CYRIA: variants seen among roughly 807,000 people sequenced by gnomAD.
CYRIA encodes CYFIP related Rac1 interactor A, also known as CYFIP-related Rac1 interactor A.
Under a neutral mutation model 43.9 loss-of-function variants are expected in CYRIA, and 15 were observed. The observed-to-expected ratio is 0.34, with a 90% CI of 0.23 to 0.53. The LOEUF (loss-of-function observed/expected upper bound fraction) is 0.53, where lower values mean the gene tolerates loss of function less well. Ranked by LOEUF, CYRIA falls within the 20% of genes least tolerant of loss-of-function variation. The probability of loss-of-function intolerance (pLI) is 0.94; values close to 1 mark genes in which losing one functional copy is unlikely to be tolerated. For missense variants in CYRIA, 236 were observed against 394.2 expected (o/e 0.60, Z 3.40); for synonymous variants, 117 against 136.0 (o/e 0.86, Z 0.97).
At chr2:16,664,484 A>C (rs1670340209) in intron 1 of CYRIA, among the ~76,000 whole-genome samples, 1 of 152,170 alleles carries the variant, frequency 6.6e-6, no homozygotes, top group Non-Finnish European at 1.5e-5. Context: ...AGCACGCAGG[A>C]AAAACAGCCC....
chr2:16,630,276 C>A (rs1473463636), intron 1 of CYRIA, among the ~76,000 whole-genome samples: 1 of 152,142 alleles, frequency 6.6e-6, no homozygotes, highest in Non-Finnish European at 1.5e-5. Context: ...CATTTGGACT[C>A]ACATCTGAGG....
At chr2:16,554,062 A>G (rs545271868) in intron 11 of CYRIA, among the ~76,000 whole-genome samples, 1 of 152,230 alleles carries the variant, frequency 6.6e-6, no homozygotes, top group East Asian at 1.9e-4. Context: ...TGTGTGTCTC[A>G]GTTTCTTCAT....
chr2:16,569,376 G>A (rs74689232), intron 3 of CYRIA, among the ~76,000 whole-genome samples: 11 of 152,326 alleles, frequency 7.2e-5, no homozygotes, highest in African/African-American at 2.6e-4. Flanking sequence ...GCAGTGGTGG[G>A]ATGCGGTAGG....
chr2:16,618,605 C>T (rs1360941825), intron 2 of CYRIA, among the ~76,000 whole-genome samples: 1 of 152,190 alleles, frequency 6.6e-6, no homozygotes, highest in East Asian at 1.9e-4. Context: ...AAGACTCCAT[C>T]AGAGCAAAGC....
At position 16,555,537 on chromosome 2, in the gene CYRIA, G is replaced by A. The variant is rs538378120; in HGVS notation, c.838-398C>T. Among the ~76,000 whole-genome samples the A allele has an allele frequency of 7.1e-4, 108 of 152,124 alleles. 1 individual carries two copies. Among genetic ancestry groups the A allele is most frequent in the Non-Finnish European group, 1.3e-3 (87 of 67,992 alleles). ...GTCTATGTCTCAGTTGAGATTTACT[G>A]AATAAAATCTGAATAATTTTATGCC... On this transcript the variant is annotated intron_variant, in intron 10 of 11. Transcript: ENST00000381323.
At chr2:16,555,779 T>G (rs1248235055) in intron 10 of CYRIA, among the ~76,000 whole-genome samples, 2 of 152,116 alleles carry the variant, frequency 1.3e-5, no homozygotes, top group Non-Finnish European at 2.9e-5. Flanking sequence ...ATTAACTTCT[T>G]TCTTCACTAG....
intron 1 of CYRIA, among the ~76,000 whole-genome samples, chr2:16,644,533 G>C (rs1429343735): frequency 6.6e-6 from 1 of 152,190 alleles, no homozygotes; most frequent in East Asian, 1.9e-4. Flanking sequence ...CTGTCACACT[G>C]TTGCTGGGGC....
intron 9 of CYRIA, among the ~76,000 whole-genome samples, chr2:16,559,956 G>C (rs1558401259): frequency 2.6e-5 from 4 of 152,120 alleles, no homozygotes; most frequent in Admixed American, 2.6e-4. Context: ...AAAGAATTAG[G>C]CTCATTTCTA....
chr2:16,552,860 A>G lies in CYRIA; in HGVS notation c.*76T>C. 1 of 937,490 alleles carries G rather than the reference A, an allele frequency of 1.1e-6. No homozygotes were observed. 58.1% of individuals were successfully genotyped at this position (937,490 alleles called of 1,614,324 possible). A position where few individuals can be genotyped will look rare whatever the true frequency, so the allele number is the denominator to read the frequency against. ...GTTATGTAAATACACAAGTATTAAC[A>G]TCAATCTGTATTAAATTATGTAAAC... is the stretch of plus-strand genomic sequence containing the variant. On this transcript the variant is annotated 3_prime_UTR_variant, in exon 12 of 12. Transcript: ENST00000381323.
chr2:16,573,869 AGTAGC>A (rs1667229001), intron 3 of CYRIA, among the ~76,000 whole-genome samples: 2 of 152,206 alleles, frequency 1.3e-5, no homozygotes, highest in African/African-American at 2.4e-5. Flanking sequence ...TGCCTTTATC[AGTAGC>A]TCGTGAAAAT....
At chr2:16,592,760 ACT>A (rs962956848) in intron 2 of CYRIA, among the ~76,000 whole-genome samples, 6 of 151,618 alleles carry the variant, frequency 4.0e-5, no homozygotes, top group Admixed American at 3.3e-4. Flanking sequence ...CTTTGTCTTG[ACT>A]CTCTCTTAGC....
chr2:16,649,956 T>C (rs1204069738), intron 1 of CYRIA, among the ~76,000 whole-genome samples: 2 of 152,168 alleles, frequency 1.3e-5, no homozygotes, highest in African/African-American at 4.8e-5. Context: ...CACATCCCAG[T>C]AGAAGTTTCA....
chr2:16,628,431 A>G (rs1435723340), intron 1 of CYRIA, among the ~76,000 whole-genome samples: 1 of 152,198 alleles, frequency 6.6e-6, no homozygotes. Context: ...TGACTTACCC[A>G]CAACTGTGCA....
chr2:16,604,413 C>T (rs1006916520), intron 2 of CYRIA, among the ~76,000 whole-genome samples: 3 of 152,220 alleles, frequency 2.0e-5, no homozygotes, highest in Non-Finnish European at 4.4e-5. Flanking sequence ...TCCCAGCCAT[C>T]GTCTGGCATC....
At chr2:16,568,227 G>GAAAAAAAAAAAAAAAAAAAAAAAAA (rs71400699) in intron 3 of CYRIA, among the ~76,000 whole-genome samples, 1 of 88,754 alleles carries the variant, frequency 1.1e-5, no homozygotes, top group Non-Finnish European at 2.3e-5. Flanking sequence ...TTCAAAATCA[G>GAAAAAAAAAAAAAAAAAAAAAAAAA]AAAAAAAAAA....
At chr2:16,654,393 C>T (rs1321333401) in intron 1 of CYRIA, among the ~76,000 whole-genome samples, 1 of 152,086 alleles carries the variant, frequency 6.6e-6, no homozygotes, top group East Asian at 1.9e-4. Context: ...GTAGGGCGTG[C>T]CATGGGACTC....
chr2:16,632,153 C>T (rs1669345745), intron 1 of CYRIA, among the ~76,000 whole-genome samples: 2 of 152,218 alleles, frequency 1.3e-5, no homozygotes, highest in South Asian at 4.1e-4. Flanking sequence ...ATCTGGGTTC[C>T]AGTTCCACAT....
intron 10 of CYRIA, among the ~76,000 whole-genome samples, chr2:16,558,486 G>A (rs978252141): frequency 1.4e-4 from 22 of 152,082 alleles, no homozygotes; most frequent in African/African-American, 5.3e-4. Flanking sequence ...CGGCTATACT[G>A]GAGTAAGTAA....
At chr2:16,627,267 CG>C (rs55661100) in intron 1 of CYRIA, among the ~76,000 whole-genome samples, 25,712 of 152,170 alleles carry the variant, frequency 0.17, 2,649 homozygotes, top group African/African-American at 0.29. Context: ...CCCCACCCTC[CG>C]GGGTGGGCAA....
Sources: gnomAD v4.1 joint callset for allele counts (sites outside exome capture counted in the v4.1 genomes callset) on GRCh38, gnomAD v4.1.1 for gene constraint, MANE v1.5 for transcripts, NCBI Gene and HGNC (gene_info 2026-07-23, HGNC 2026-07-21) for gene names.